Variants in CDH18 observed in about 807,000 individuals in gnomAD.
CDH18 encodes the protein cadherin-18.
Under a neutral mutation model 67.9 loss-of-function variants are expected in CDH18, and 31 were observed. The ratio of observed to expected loss-of-function variants is 0.46; its 90% CI spans 0.34 to 0.62. The LOEUF (loss-of-function observed/expected upper bound fraction) is 0.62, where lower values mean the gene tolerates loss of function less well. CDH18 is among the 20% of genes least tolerant of loss of function. CDH18 has a pLI of 0.01. For missense variants in CDH18, 890 were observed against 975.5 expected, an observed-to-expected ratio of 0.91 and a Z score of 1.17; for synonymous variants, 362 against 347.2, an observed-to-expected ratio of 1.04 and a Z score of -0.48.
chr5:19,926,141 GA>G (rs1186618070), intron 2 of CDH18, among the ~76,000 whole-genome samples: 1 of 151,484 alleles, frequency 6.6e-6, no homozygotes. Context: ...TGTATTTATT[GA>G]AAAAAATTGC....
At chr5:20,307,195 G>C (rs1736542073) in intron 1 of CDH18, among the ~76,000 whole-genome samples, 1 of 152,196 alleles carries the variant, frequency 6.6e-6, no homozygotes, top group African/African-American at 2.4e-5. Context: ...GCAAATTCAG[G>C]AAGTACAGAA....
intron 1 of CDH18, among the ~76,000 whole-genome samples, chr5:20,566,961 A>C (rs752514792): frequency 6.6e-6 from 1 of 152,286 alleles, no homozygotes; most frequent in African/African-American, 2.4e-5. Flanking sequence ...CCAATTGTTC[A>C]ATACTGTATT....
intron 7 of CDH18, among the ~76,000 whole-genome samples, chr5:19,576,711 A>G (rs1742365697): frequency 6.6e-6 from 1 of 152,180 alleles, no homozygotes; most frequent in African/African-American, 2.4e-5. Context: ...TAGAATTCCC[A>G]TAGGATCCAG....
intron 2 of CDH18, among the ~76,000 whole-genome samples, chr5:20,204,835 G>A (rs1436118009): frequency 6.6e-6 from 1 of 151,060 alleles, no homozygotes; most frequent in Non-Finnish European, 1.5e-5. Context: ...TTGTGATCTA[G>A]GTCATCATTT....
intron 1 of CDH18, among the ~76,000 whole-genome samples, chr5:20,320,762 C>T (rs1026952886): frequency 1.3e-5 from 2 of 152,178 alleles, no homozygotes; most frequent in African/African-American, 4.8e-5. Flanking sequence ...GCAAAGATTT[C>T]TCATCTTTGA....
At chr5:19,765,406 T>TCTA (rs35210328) in intron 3 of CDH18, among the ~76,000 whole-genome samples, 2 of 150,180 alleles carry the variant, frequency 1.3e-5, no homozygotes, top group Non-Finnish European at 3.0e-5. Context: ...ATTTTTTTTT[T>TCTA]AATAAAAAAG....
At chr5:20,078,526 A>G (rs1744150102) in intron 2 of CDH18, among the ~76,000 whole-genome samples, 1 of 152,030 alleles carries the variant, frequency 6.6e-6, no homozygotes, top group East Asian at 1.9e-4. Flanking sequence ...TTAAGGGAAA[A>G]CAGATTATCA....
At chr5:19,920,500 T>C (rs1233683924) in intron 2 of CDH18, among the ~76,000 whole-genome samples, 2 of 144,422 alleles carry the variant, frequency 1.4e-5, no homozygotes, top group African/African-American at 5.0e-5. Flanking sequence ...AGACACGACA[T>C]TTAACCTTAC....
chr5:19,575,247 A>G (rs1178409219), intron 7 of CDH18, among the ~76,000 whole-genome samples: 1 of 152,198 alleles, frequency 6.6e-6, no homozygotes, highest in Non-Finnish European at 1.5e-5. Flanking sequence ...TAAAATTAGA[A>G]TGTAATTAGA....
At chr5:20,167,587 G>A (rs531313963) in intron 2 of CDH18, among the ~76,000 whole-genome samples, 1 of 152,210 alleles carries the variant, frequency 6.6e-6, no homozygotes, top group South Asian at 2.1e-4. Context: ...CGTTAGTTTG[G>A]GTACGGTGGT....
At chr5:20,214,542 A>C (rs2126405580) in intron 2 of CDH18, among the ~76,000 whole-genome samples, 1 of 152,148 alleles carries the variant, frequency 6.6e-6, no homozygotes, top group Admixed American at 6.6e-5. Flanking sequence ...GCATACCTAC[A>C]ACTGTCTGAT....
At chr5:20,285,444 A>T (rs982342526) in intron 1 of CDH18, among the ~76,000 whole-genome samples, 1 of 147,860 alleles carries the variant, frequency 6.8e-6, no homozygotes, top group South Asian at 2.1e-4. Context: ...ATAATATAAT[A>T]ATAAGGCCAT....
chr5:20,264,384 A>G (rs1744879815), intron 1 of CDH18, among the ~76,000 whole-genome samples: 1 of 152,142 alleles, frequency 6.6e-6, no homozygotes, highest in African/African-American at 2.4e-5. Context: ...TTACTTCAGC[A>G]AATCATTACA....
intron 1 of CDH18, among the ~76,000 whole-genome samples, chr5:20,552,692 TA>T (rs1446798220): frequency 2.6e-5 from 4 of 152,060 alleles, no homozygotes; most frequent in Admixed American, 6.6e-5. Flanking sequence ...TATTTTTACA[TA>T]AAAACTTAGT....
intron 1 of CDH18, among the ~76,000 whole-genome samples, chr5:20,448,279 TTTC>T (rs1429245359): frequency 1.4e-5 from 2 of 145,964 alleles, no homozygotes; most frequent in African/African-American, 5.5e-5. Context: ...TGTGCCACAT[TTTC>T]TTTTTTTTTT....
intron 3 of CDH18, among the ~76,000 whole-genome samples, chr5:19,801,992 T>G (rs1777523687): frequency 6.6e-6 from 1 of 152,138 alleles, no homozygotes; most frequent in South Asian, 2.1e-4. Context: ...TTTAATTAAA[T>G]GGAACACTAA....
At chr5:20,150,541 C>T (rs1007831594) in intron 2 of CDH18, among the ~76,000 whole-genome samples, 1 of 151,972 alleles carries the variant, frequency 6.6e-6, no homozygotes, top group Non-Finnish European at 1.5e-5. Flanking sequence ...AGGGATGGAC[C>T]ACATGGAACA....
intron 1 of CDH18, among the ~76,000 whole-genome samples, chr5:20,403,020 CAA>C (rs11375333): frequency 3.1e-4 from 45 of 144,136 alleles, no homozygotes; most frequent in East Asian, 8.4e-4. Flanking sequence ...ACTAAAAATA[CAA>C]AAAAAAAAAA....
At chr5:19,898,382 C>T (rs1273283856) in intron 2 of CDH18, among the ~76,000 whole-genome samples, 1 of 151,758 alleles carries the variant, frequency 6.6e-6, no homozygotes, top group African/African-American at 2.4e-5. Flanking sequence ...ACCATGTCTT[C>T]TAATTGGTTA....
Sources: allele counts gnomAD v4.1 joint callset (sites outside exome capture counted in the v4.1 genomes callset), GRCh38; gene constraint gnomAD v4.1.1; transcripts MANE v1.5; gene names NCBI Gene and HGNC (gene_info 2026-07-23, HGNC 2026-07-21).